Variants in EXOC6B observed in about 807,000 individuals in gnomAD.
The protein encoded by EXOC6B is exocyst complex component 6B, also known as SEC15 homolog B.
A neutral mutation model predicts 113.5 loss-of-function variants in EXOC6B; 54 were observed. That is an observed-to-expected ratio of 0.48 (90% CI 0.38 to 0.60). The LOEUF is 0.60. Among genes scored for constraint, EXOC6B ranks in the 20% least tolerant of loss-of-function variants. The pLI is 0.00. For missense variants in EXOC6B, 797 were observed against 977.5 expected (o/e 0.82, Z 2.46); for synonymous variants, 357 against 339.0 (o/e 1.05, Z -0.58).
At chr2:72,792,029 T>C (rs933356879) in intron 1 of EXOC6B, among the ~76,000 whole-genome samples, 4 of 152,232 alleles carry the variant, frequency 2.6e-5, no homozygotes, top group Admixed American at 1.3e-4. Context: ...CCAGGTTCTG[T>C]TGCCTAGCTA....
Position 72,498,563 on chromosome 2 carries a change from T to A in EXOC6B, c.1240-12A>T. ...GGGAAACCATACACCTGAAACAAAA[T>A]AAGAAAATCACTTCAGTGTCTAAGG... On this transcript the variant is annotated splice_polypyrimidine_tract_variant and intron_variant, in intron 12 of 21. Transcript: ENST00000272427. 6.4e-7 allele frequency: 1 copy of A among 1,572,400 alleles called. No individual in the cohort carries two copies. Among genetic ancestry groups the A allele is most frequent in the African/African-American group, 1.4e-5 (1 of 72,708 alleles).
In EXOC6B at chr2:72,386,977, T is replaced by C. The variant is rs535347284; in HGVS notation, c.1981-7107A>G. 3.9e-5 allele frequency among the ~76,000 whole-genome samples: 6 copies of C among 152,326 alleles called. No homozygotes were observed. The South Asian group carries it at 1.2e-3, about 32-fold the overall frequency. On this transcript the variant is annotated intron_variant, in intron 18 of 21. Coordinates refer to ENST00000272427, the MANE Select transcript of EXOC6B (RefSeq NM_015189.3). ...GTTGCCTTTTTCCTGATTTGAGAAG[T>C]ATTCAGTCTTTCATCATTAAGTAAA... is the stretch of plus-strand genomic sequence containing the variant.
chr2:72,687,643 GGAAAGGCA>G (rs1677183576), intron 6 of EXOC6B, among the ~76,000 whole-genome samples: 1 of 152,100 alleles, frequency 6.6e-6, no homozygotes, highest in South Asian at 2.1e-4. Context: ...ATCTCTGGAA[GGAAAGGCA>G]GAAAATGAAG....
intron 2 of EXOC6B, among the ~76,000 whole-genome samples, chr2:72,735,332 C>CAT (rs1680879716): frequency 6.6e-6 from 1 of 152,126 alleles, no homozygotes; most frequent in Non-Finnish European, 1.5e-5. Context: ...GGAACACACA[C>CAT]ACAATTTTCA....
intron 1 of EXOC6B, among the ~76,000 whole-genome samples, chr2:72,796,630 A>G (rs1342343662): frequency 1.3e-5 from 2 of 151,942 alleles, no homozygotes; most frequent in African/African-American, 4.8e-5. Context: ...CTTCGCCTCC[A>G]CTTTCATGTC....
intron 1 of EXOC6B, among the ~76,000 whole-genome samples, chr2:72,756,992 C>T (rs1274805737): frequency 2.0e-5 from 3 of 152,018 alleles, no homozygotes; most frequent in Middle Eastern, 3.2e-3. Flanking sequence ...GAAAGAAAAC[C>T]AGCAAACTAA....
intron 1 of EXOC6B, among the ~76,000 whole-genome samples, chr2:72,780,681 A>G (rs1683978803): frequency 6.6e-6 from 1 of 152,218 alleles, no homozygotes; most frequent in Admixed American, 6.5e-5. Flanking sequence ...ATTTTAAAAT[A>G]CTACCTTAGG....
intron 18 of EXOC6B, among the ~76,000 whole-genome samples, chr2:72,422,270 G>A (rs1694930197): frequency 1.3e-5 from 2 of 152,222 alleles, no homozygotes; most frequent in East Asian, 1.9e-4. Context: ...GGATCCACTA[G>A]GGGAAGCCAG....
At chr2:72,808,930 G>A (rs1369669927) in intron 1 of EXOC6B, among the ~76,000 whole-genome samples, 1 of 151,972 alleles carries the variant, frequency 6.6e-6, no homozygotes, top group African/African-American at 2.4e-5. Context: ...TAAAATATTA[G>A]CTGGGTGTGG....
intron 6 of EXOC6B, among the ~76,000 whole-genome samples, chr2:72,577,523 CAA>C (rs1367918160): frequency 6.6e-6 from 1 of 151,826 alleles, no homozygotes; most frequent in Admixed American, 6.6e-5. Context: ...TATTGAATCC[CAA>C]GTTAATTATA....
chr2:72,409,420 A>T (rs1196616409), intron 18 of EXOC6B, among the ~76,000 whole-genome samples: 2 of 152,222 alleles, frequency 1.3e-5, no homozygotes, highest in Non-Finnish European at 2.9e-5. Context: ...ATGCCCATGT[A>T]TGTTTATTGC....
chr2:72,780,729 T>C lies in EXOC6B; in HGVS notation c.114-39260A>G, dbSNP rs1240603287. On this transcript the variant is annotated intron_variant, in intron 1 of 21. Transcript: ENST00000272427. ...AAATTTCATTGAGTAGATGACAGTA[T>C]ATGATATGCTTGCTTTATCTAAAAA... Among the ~76,000 whole-genome samples the C allele has an allele frequency of 2.0e-5, 3 of 152,162 alleles. No homozygotes were observed. The East Asian group carries it at 5.8e-4, about 29-fold the overall frequency.
chr2:72,486,095 C>A (rs1046186282), intron 16 of EXOC6B, among the ~76,000 whole-genome samples: 1 of 152,162 alleles, frequency 6.6e-6, no homozygotes, highest in South Asian at 2.1e-4. Context: ...CATGGCTGAG[C>A]GCAGTGGCTC....
intron 20 of EXOC6B, among the ~76,000 whole-genome samples, chr2:72,205,874 T>C (rs1449210828): frequency 6.6e-6 from 1 of 152,096 alleles, no homozygotes; most frequent in Non-Finnish European, 1.5e-5. Flanking sequence ...CAGGGCAATA[T>C]TGGGGATATT....
At chr2:72,362,715 T>G (rs1447425490) in intron 19 of EXOC6B, among the ~76,000 whole-genome samples, 3 of 152,112 alleles carry the variant, frequency 2.0e-5, no homozygotes, top group Non-Finnish European at 4.4e-5. Flanking sequence ...CTAACTAGTC[T>G]CTGAGGCTCC....
intron 6 of EXOC6B, among the ~76,000 whole-genome samples, chr2:72,648,765 C>T (rs539552362): frequency 9.2e-5 from 14 of 152,158 alleles, no homozygotes; most frequent in South Asian, 4.2e-4. Context: ...TGGATGGAAC[C>T]GGAAGTCATT....
chr2:72,194,767 A>G (rs1184806008), intron 20 of EXOC6B, among the ~76,000 whole-genome samples: 1 of 152,170 alleles, frequency 6.6e-6, no homozygotes, highest in Non-Finnish European at 1.5e-5. Context: ...TCCATAGGCT[A>G]TGGAACTGTG....
At chr2:72,695,067 A>T (rs1294023110) in intron 6 of EXOC6B, among the ~76,000 whole-genome samples, 2 of 152,222 alleles carry the variant, frequency 1.3e-5, no homozygotes, top group African/African-American at 4.8e-5. Context: ...CTGTCAACAC[A>T]GGCACACTGC....
In EXOC6B at chr2:72,492,404, G is replaced by A. The variant is rs528718114; in HGVS notation, c.1579C>T (p.Arg527Trp). 46 of 1,612,252 alleles carry A rather than the reference G, an allele frequency of 2.9e-5. No individual in the cohort carries two copies. Among genetic ancestry groups the A allele is most frequent in the Middle Eastern group, 3.3e-4 (2 of 6,052 alleles). The change falls in exon 16 of 22, where the codon CGG becomes TGG. Residue 527 changes from arginine to tryptophan, a missense_variant. By Grantham distance (101) the Arg-to-Trp change is moderately radical (BLOSUM62 -3). Coordinates refer to ENST00000272427, the MANE Select transcript of EXOC6B (RefSeq NM_015189.3). ...LSSTEVDDMI[R>W]KSTNLLLTRT... is the part of the protein sequence containing the mutation. The stretch of plus-strand genomic sequence containing the variant: ...GTTAGCAACAGGTTTGTTGATTTCC[G>A]AATCATGTCATCAACTTCAGTTGAG...
Sources: gnomAD v4.1 joint callset for allele counts (sites outside exome capture counted in the v4.1 genomes callset) on GRCh38, gnomAD v4.1.1 for gene constraint, MANE v1.5 for transcripts, NCBI Gene and HGNC (gene_info 2026-07-23, HGNC 2026-07-21) for gene names.